The following TTC29 variants were observed in gnomAD, a reference collection of about 807,000 sequenced individuals.
TTC29 encodes tetratricopeptide repeat domain 29.
In TTC29, 49 loss-of-function variants were observed where a neutral mutation model predicts 58.1. The observed-to-expected ratio is 0.84, with a 90% CI of 0.67 to 1.07. TTC29 has a LOEUF of 1.07. Among genes scored for constraint, TTC29 ranks in the 50% least tolerant of loss-of-function variants. The pLI is 0.00. For synonymous variants in TTC29, 209 were observed against 196.8 expected (o/e 1.06, Z -0.52); for missense variants, 582 against 555.6 (o/e 1.05, Z -0.48).
At chr4:146,713,508 T>C (rs1465001702) in intron 11 of TTC29, among the ~76,000 whole-genome samples, 62 of 152,152 alleles carry the variant, frequency 4.1e-4, no homozygotes, top group Non-Finnish European at 7.4e-5. Context: ...TGTTTTGAAG[T>C]AGAAATCATG....
At chr4:146,821,985 GT>G (rs34100285) in intron 9 of TTC29, among the ~76,000 whole-genome samples, 16,269 of 109,694 alleles carry the variant, frequency 0.15, 1,351 homozygotes, top group East Asian at 0.3. Context: ...CATGTCTAGT[GT>G]TTTTTTTTTT....
intron 11 of TTC29, among the ~76,000 whole-genome samples, chr4:146,752,252 A>G (rs913170492): frequency 1.1e-4 from 16 of 150,036 alleles, no homozygotes; most frequent in Non-Finnish European, 2.1e-4. Context: ...CAAAAATCAC[A>G]AGCATTCTTA....
chr4:146,889,381 A>T (rs1286426319), intron 6 of TTC29, among the ~76,000 whole-genome samples: 1 of 152,156 alleles, frequency 6.6e-6, no homozygotes, highest in African/African-American at 2.4e-5. Flanking sequence ...AATAATTTTT[A>T]AAATTATAAC....
At chr4:146,743,523 C>T (rs991052452) in intron 11 of TTC29, among the ~76,000 whole-genome samples, 10 of 152,046 alleles carry the variant, frequency 6.6e-5, no homozygotes, top group Non-Finnish European at 7.4e-5. Context: ...GTTTTAAAGA[C>T]GACAAAGCAT....
chr4:146,892,532 C>T (rs925717125), intron 6 of TTC29, among the ~76,000 whole-genome samples: 16 of 152,108 alleles, frequency 1.1e-4, no homozygotes, highest in Non-Finnish European at 1.8e-4. Flanking sequence ...TGGGACGTAT[C>T]TCAAAATAAT....
intron 6 of TTC29, among the ~76,000 whole-genome samples, chr4:146,897,432 C>G (rs1342246233): frequency 6.6e-6 from 1 of 152,084 alleles, no homozygotes; most frequent in Non-Finnish European, 1.5e-5. Context: ...TGGTGTTCCC[C>G]AAACTATGAT....
chr4:146,709,420 CTCT>C (rs1046484019), intron 11 of TTC29, among the ~76,000 whole-genome samples: 1 of 151,712 alleles, frequency 6.6e-6, no homozygotes, highest in African/African-American at 2.4e-5. Context: ...ATTTTTCTGT[CTCT>C]TCTTCCTTCC....
chr4:146,708,270 T>A (rs535158896), intron 11 of TTC29, among the ~76,000 whole-genome samples: 4 of 142,900 alleles, frequency 2.8e-5, no homozygotes, highest in East Asian at 2.1e-4. Flanking sequence ...TAGGGAGCAA[T>A]ATAAAGTACC....
chr4:146,872,959 C>T (rs1322156502), intron 7 of TTC29, among the ~76,000 whole-genome samples: 1 of 152,112 alleles, frequency 6.6e-6, no homozygotes, highest in Non-Finnish European at 1.5e-5. Context: ...GTGGAAACAA[C>T]TCATATGTCC....
intron 11 of TTC29, among the ~76,000 whole-genome samples, chr4:146,746,877 G>A (rs1745587904): frequency 6.6e-6 from 1 of 152,066 alleles, no homozygotes; most frequent in Admixed American, 6.6e-5. Context: ...CCCCTAAAAA[G>A]AATAAACAGT....
At chr4:146,830,314 A>G (rs1299556093) in intron 9 of TTC29, among the ~76,000 whole-genome samples, 3 of 152,202 alleles carry the variant, frequency 2.0e-5, no homozygotes, top group Non-Finnish European at 4.4e-5. Context: ...GTCTGTATCT[A>G]TTAATAATAT....
At chr4:146,933,757 G>T (rs1014919054) in intron 4 of TTC29, among the ~76,000 whole-genome samples, 1 of 152,156 alleles carries the variant, frequency 6.6e-6, no homozygotes, top group Non-Finnish European at 1.5e-5. Flanking sequence ...GAAGCATACT[G>T]AAATTTCTTC....
chr4:146,766,363 T>A (rs1747321419), intron 11 of TTC29, among the ~76,000 whole-genome samples: 1 of 152,092 alleles, frequency 6.6e-6, no homozygotes, highest in African/African-American at 2.4e-5. Context: ...GTTATGATTT[T>A]CATAGCTGTT....
intron 11 of TTC29, among the ~76,000 whole-genome samples, chr4:146,773,735 G>A (rs1747888884): frequency 1.3e-5 from 2 of 151,056 alleles, no homozygotes; most frequent in Non-Finnish European, 2.9e-5. Context: ...TATAGTATCA[G>A]GATGATGCTG....
chr4:146,795,162 G>A (rs1288992316), intron 11 of TTC29, among the ~76,000 whole-genome samples: 3 of 152,120 alleles, frequency 2.0e-5, no homozygotes, highest in African/African-American at 7.2e-5. Flanking sequence ...AAAGATTTGG[G>A]TATGGTGAAT....
chr4:146,758,673 C>T (rs1746636077), intron 11 of TTC29, among the ~76,000 whole-genome samples: 1 of 152,074 alleles, frequency 6.6e-6, no homozygotes, highest in South Asian at 2.1e-4. Flanking sequence ...AACTGGAAAT[C>T]AACTCCAAAA....
Position 146,803,437 on chromosome 4 carries a change from T to C in TTC29, c.1330+20A>G, listed in dbSNP as rs747997138. The C allele has an allele frequency of 3.4e-6, 5 of 1,491,208 alleles. No homozygotes were observed. The highest frequency in any genetic ancestry group is 4.6e-6 in the Non-Finnish European group (5 of 1,097,280). The allele number at this position is 1,491,208 out of a possible 1,614,324, so 92.4% of individuals were successfully genotyped here. On this transcript the variant is annotated intron_variant, in intron 11 of 12. Transcript: ENST00000325106. ...GAGAATGATATGAAAACTAAAGTGT[T>C]CTAAAAACCAATGCCTTACCAGTAA...
At chr4:146,863,552 G>C (rs149815119) in intron 8 of TTC29, among the ~76,000 whole-genome samples, 3 of 152,280 alleles carry the variant, frequency 2.0e-5, no homozygotes, top group African/African-American at 4.8e-5. Flanking sequence ...TAGGCCTGAT[G>C]GAACAAACTG....
intron 6 of TTC29, among the ~76,000 whole-genome samples, chr4:146,895,576 C>A (rs977879528): frequency 3.3e-5 from 5 of 152,122 alleles, no homozygotes; most frequent in Admixed American, 2.6e-4. Context: ...TGAGGAAGCT[C>A]ACAGGAGCAA....
Sources: allele counts gnomAD v4.1 joint callset (sites outside exome capture counted in the v4.1 genomes callset), GRCh38; gene constraint gnomAD v4.1.1; transcripts MANE v1.5; gene names NCBI Gene and HGNC (gene_info 2026-07-23, HGNC 2026-07-21).